FADS2: variants seen among roughly 807,000 people sequenced by gnomAD.
FADS2 encodes the protein acyl-CoA 6-desaturase.
A neutral mutation model predicts 61.2 loss-of-function variants in FADS2; 18 were observed. That is an observed-to-expected ratio of 0.29 (90% CI 0.20 to 0.44). The LOEUF (loss-of-function observed/expected upper bound fraction) is 0.44. FADS2 is among the 20% of genes least tolerant of loss of function. FADS2 has a pLI of 1.00. For synonymous variants in FADS2, 203 were observed against 223.9 expected (o/e 0.91, Z 0.83); for missense variants, 322 against 572.7 (o/e 0.56, Z 4.47).
upstream of FADS2, among the ~76,000 whole-genome samples, chr11:61,824,485 AGAGAG>A (rs1565325376): frequency 4.3e-4 from 4 of 9,368 alleles, no homozygotes; most frequent in African/African-American, 5.3e-4. Flanking sequence ...AGAGAGAGAG[AGAGAG>A]AAAGAAAGAA....
At chr11:61,861,498 G>A (rs545084380) in intron 7 of FADS2, among the ~76,000 whole-genome samples, 4 of 151,534 alleles carry the variant, frequency 2.6e-5, no homozygotes, top group South Asian at 2.1e-4. Flanking sequence ...AAAATAATCC[G>A]TAACCCCATC....
chr11:61,840,981 G>A (rs2067213289), intron 4 of FADS2, among the ~76,000 whole-genome samples: 1 of 151,848 alleles, frequency 6.6e-6, no homozygotes, highest in Non-Finnish European at 1.5e-5. Context: ...TCAGCGGATT[G>A]TATTTTTTGA....
intron 7 of FADS2, among the ~76,000 whole-genome samples, chr11:61,860,400 C>T (rs145082128): frequency 1.3e-5 from 2 of 152,344 alleles, no homozygotes; most frequent in East Asian, 3.9e-4. Flanking sequence ...CCCGGGGCCA[C>T]GTCCTGGATC....
chr11:61,843,845 G>C (rs2067235338), intron 4 of FADS2, among the ~76,000 whole-genome samples: 1 of 152,100 alleles, frequency 6.6e-6, no homozygotes, highest in Non-Finnish European at 1.5e-5. Context: ...ATTTTTAGTA[G>C]AGATGGGGTT....
At chr11:61,825,628 A>G (rs2067078392), upstream of FADS2, among the ~76,000 whole-genome samples, 1 of 144,092 alleles carries the variant, frequency 6.9e-6, no homozygotes, top group Non-Finnish European at 1.5e-5. Flanking sequence ...AAAAAAAAAA[A>G]AAAAAGAAAG....
chr11:61,834,472 C>T (rs2067153824), intron 1 of FADS2, among the ~76,000 whole-genome samples: 1 of 152,202 alleles, frequency 6.6e-6, no homozygotes, highest in South Asian at 2.1e-4. Context: ...TGGCGCATGC[C>T]CATTACCCCT....
intron 1 of FADS2, among the ~76,000 whole-genome samples, chr11:61,832,617 C>T (rs962744448): frequency 1.3e-5 from 2 of 152,230 alleles, no homozygotes; most frequent in Non-Finnish European, 2.9e-5. Context: ...GGCCACAGAG[C>T]ACTGCCCCAC....
At chr11:61,841,598 G>A (rs1323186093) in intron 4 of FADS2, among the ~76,000 whole-genome samples, 1 of 151,572 alleles carries the variant, frequency 6.6e-6, no homozygotes, top group Non-Finnish European at 1.5e-5. Context: ...GAAGCCAAGA[G>A]GTACAAAGCA....
At chr11:61,843,783 C>G (rs547118420) in intron 4 of FADS2, among the ~76,000 whole-genome samples, 1 of 152,074 alleles carries the variant, frequency 6.6e-6, no homozygotes, top group South Asian at 2.1e-4. Flanking sequence ...CTCAGCCTCC[C>G]GAGTAGCTGG....
chr11:61,818,724 A>G (rs1348243326), intron 1 of FADS2, among the ~76,000 whole-genome samples: 2 of 152,208 alleles, frequency 1.3e-5, no homozygotes, highest in African/African-American at 4.8e-5. Context: ...TAAGAAATTC[A>G]TGGGTATTAA....
At chr11:61,837,447 T>C (rs1258193871) in intron 1 of FADS2, among the ~76,000 whole-genome samples, 1 of 152,226 alleles carries the variant, frequency 6.6e-6, no homozygotes, top group Non-Finnish European at 1.5e-5. Context: ...AAGTCCTCCC[T>C]GAGCCCCGTG....
chr11:61,839,401 G>T (rs1250625363), intron 2 of FADS2, among the ~76,000 whole-genome samples: 2 of 151,104 alleles, frequency 1.3e-5, no homozygotes, highest in African/African-American at 2.4e-5. Context: ...TCGGCTCACT[G>T]CAACCTCCGC....
chr11:61,852,641 A>T, intron 5 of FADS2, among the ~76,000 whole-genome samples: 1 of 152,140 alleles, frequency 6.6e-6, no homozygotes, highest in East Asian at 1.9e-4. Context: ...TGTCATTATG[A>T]TTGGAGGTTC....
intron 1 of FADS2, among the ~76,000 whole-genome samples, chr11:61,822,357 G>A (rs1300942393): frequency 6.6e-6 from 1 of 152,214 alleles, no homozygotes; most frequent in Non-Finnish European, 1.5e-5. Flanking sequence ...CAGATCCAAA[G>A]AGCTGAAGCC....
At chr11:61,820,923 T>A (rs1339991733) in intron 1 of FADS2, among the ~76,000 whole-genome samples, 1 of 151,972 alleles carries the variant, frequency 6.6e-6, no homozygotes, top group Non-Finnish European at 1.5e-5. Context: ...AAATAAAAAA[T>A]TTGCTGAATC....
At chr11:61,856,048 G>A (rs2067355999) in intron 5 of FADS2, 1 of 152,264 alleles carries the variant, frequency 6.6e-6, no homozygotes, top group African/African-American at 2.4e-5. Flanking sequence ...AGGCAGAGTC[G>A]GCTCAAGCGC....
intron 1 of FADS2, among the ~76,000 whole-genome samples, chr11:61,819,862 C>A: frequency 8.2e-6 from 1 of 122,370 alleles, no homozygotes; most frequent in Non-Finnish European, 1.7e-5. Flanking sequence ...GCTATCCCTC[C>A]CCCCTCCCCC....
Position 61,816,465 on chromosome 11 carries a change from C to A in FADS2, c.141+39C>A, listed in dbSNP as rs760958085. The A allele has an allele frequency of 1.9e-6, 3 of 1,600,740 alleles. No individual in the cohort carries two copies. In the South Asian group the frequency reaches 3.3e-5, roughly 18 times the overall value. On this transcript the variant is annotated intron_variant, in intron 1 of 11. Transcript: ENST00000257261. This position sits in a 1 kb window ranked among gnomAD's most constrained non-coding sequence, Gnocchi z 7.0. ...CCTCCGGGCTTTCCTCCGAATTAGT[C>A]GGTGTTTGGCTCGGAGTGCGTAACT...
chr11:61,817,187 T>G (rs1591158287), intron 1 of FADS2: 17 of 135,036 alleles, frequency 1.3e-4, no homozygotes, highest in East Asian at 4.7e-4. Flanking sequence ...GGCTGCGGGG[T>G]GGCCGCAGGA....
Sources: allele counts gnomAD v4.1 joint callset (sites outside exome capture counted in the v4.1 genomes callset), GRCh38; gene constraint gnomAD v4.1.1; non-coding constraint Gnocchi (gnomAD v3.1); transcripts MANE v1.5; gene names NCBI Gene and HGNC (gene_info 2026-07-23, HGNC 2026-07-21).